The following UBA7 variants were observed in gnomAD, a reference collection of about 807,000 sequenced individuals.
UBA7 encodes the protein ubiquitin like modifier activating enzyme 7.
Under a neutral mutation model 113.0 loss-of-function variants are expected in UBA7, and 88 were observed. The observed-to-expected ratio is 0.78, with a 90% CI of 0.66 to 0.93. The LOEUF (loss-of-function observed/expected upper bound fraction) is 0.93. Among genes scored for constraint, UBA7 ranks in the 40% least tolerant of loss-of-function variants. UBA7 has a pLI of 0.00. For missense variants in UBA7, 1,092 were observed against 1,266.4 expected (o/e 0.86, Z 2.09); for synonymous variants, 459 against 513.0 (o/e 0.89, Z 1.42).
In UBA7 at chr3:49,813,401, G is replaced by A; in HGVS notation, c.226-18C>T. The A allele has an allele frequency of 6.2e-7, 1 of 1,611,552 alleles. No homozygotes were observed. The highest frequency in any genetic ancestry group is 8.5e-7 in the Non-Finnish European group (1 of 1,178,510). On this transcript the variant is annotated intron_variant, in intron 2 of 23. Coordinates refer to ENST00000333486, the MANE Select transcript of UBA7 (RefSeq NM_003335.3). ...AGGAGAAACTAGGGAGAGAGCCAGT[G>A]CAGCCTGAGCAAAGACACTCCTCTT...
rs1362779615 is a variant in UBA7, at chr3:49,809,159, C to T, written c.2164G>A (p.Asp722Asn). Residue 722 changes from aspartate (D) to asparagine (N), a missense_variant and splice_region_variant, in exon 18 of 24, where the codon GAC becomes AAC. Physicochemically the swap from Asp to Asn is conservative, Grantham distance 23. Coordinates refer to ENST00000333486, the MANE Select transcript of UBA7 (RefSeq NM_003335.3). ...PQPLEFDTNQ[D>N]THLLYVLAAA... Reference sequence around the variant, plus strand: ...GCCAGTACGTAGAGGAGGTGTGTGTCCTGCAGCCAGACCAAGAGCAGGAAC... The same window carrying T: ...GCCAGTACGTAGAGGAGGTGTGTGTTCTGCAGCCAGACCAAGAGCAGGAAC... 6.2e-7 allele frequency: 1 copy of T among 1,608,184 alleles called. No homozygotes were observed. The highest frequency in any genetic ancestry group is 1.7e-5 in the Admixed American group (1 of 59,098).
At chr3:49,809,347 G>A in intron 17 of UBA7, 43 bp downstream of exon 17, 2 of 1,604,374 alleles carry the variant, frequency 1.2e-6, no homozygotes, top group South Asian at 2.2e-5. Context: ...TGCTCTGAGG[G>A]GCCACATCTC....
At chr3:49,812,789 G>A in intron 4 of UBA7, 51 bp from the exon 5 acceptor site, 4 of 1,592,762 alleles carry the variant, frequency 2.5e-6, no homozygotes, top group South Asian at 2.2e-5. Context: ...TTGTACTTAA[G>A]GATAGGGGAT....
Position 49,813,898 on chromosome 3 carries a change from C to T in UBA7, c.-111G>A. On this transcript the variant is annotated 5_prime_UTR_variant, in exon 1 of 24. Coordinates refer to ENST00000333486, the MANE Select transcript of UBA7 (RefSeq NM_003335.3). ...CTGCTGTAGCCAGTGCAAACAGGAA[C>T]CAAGGCCAAGCGAATAAGGGACGCT... 1.6e-6 allele frequency: 2 copies of T among 1,262,762 alleles called. No individual in the cohort carries two copies. The highest frequency in any genetic ancestry group is 1.3e-5 in the South Asian group (1 of 78,498). 78.2% of individuals were successfully genotyped at this position (1,262,762 alleles called of 1,614,324 possible).
chr3:49,809,050 G>A lies in UBA7; in HGVS notation c.2273C>T (p.Pro758Leu). The part of the protein sequence containing the change: ...TALRELLKLL[P>L]QPDPQQMAPI... ...GGCCATCTGTTGGGGGTCAGGCTGT[G>A]GCAGCAGCTTCAGCAGCTCCCTGAG... Residue 758 changes from proline (P) to leucine (L), a missense_variant, in exon 18 of 24, where the codon CCA becomes CTA. By Grantham distance (98) the Pro-to-Leu change is moderately conservative. Transcript: ENST00000333486. 2 of 1,613,868 alleles carry A rather than the reference G, an allele frequency of 1.2e-6. No individual in the cohort carries two copies. Among genetic ancestry groups the A allele is most frequent in the Non-Finnish European group, 1.7e-6 (2 of 1,179,982 alleles).
rs1373885377 is a variant in UBA7 at position 49,809,631 on chromosome 3, G to C, written c.1999C>G (p.Gln667Glu). Residue 667 changes from glutamine (Q) to glutamate (E), a missense_variant, in exon 16 of 24, where the codon CAA becomes GAA. Around this residue, in one of 3 missense-constraint regions of UBA7, gnomAD observed 500 missense variants for 529.3 expected, o/e 0.94. Transcript: ENST00000333486. Reference sequence around the variant, plus strand: ...CCAAGAGCCCACGCCACACAGTCTTGCCAGTTCTGTGGACGCACTCTCAGG... The same window carrying C: ...CCAAGAGCCCACGCCACACAGTCTTCCCAGTTCTGTGGACGCACTCTCAGG... ...GVLRVRPQNW[Q>E]DCVAWALGHW... The C allele has an allele frequency of 6.2e-7, 1 of 1,614,096 alleles. No homozygotes were observed. Among genetic ancestry groups the C allele is most frequent in the Non-Finnish European group, 8.5e-7 (1 of 1,180,030 alleles).
intron 21 of UBA7, among the ~76,000 whole-genome samples, chr3:49,806,763 G>T (rs1207704147): frequency 6.6e-6 from 1 of 152,014 alleles, no homozygotes; most frequent in Non-Finnish European, 1.5e-5. Flanking sequence ...AGGACAGGGG[G>T]TGCTTATCAG....
rs762083996 is a variant in UBA7, at chr3:49,812,533, C to T, written c.569G>A (p.Gly190Asp). ...AIQHISQGSP[G>D]ILTLRKGANT... is the part of the protein sequence containing the mutation. ...GGCCCCTTTCCTCAGAGTGAGAATG[C>T]CAGGGGAGCCCTGGGTAGGAGGAGG... The change falls in exon 6 of 24, where the codon GGC (glycine) becomes GAC (aspartate). Residue 190 changes from glycine to aspartate, a missense_variant. Coordinates refer to ENST00000333486, the MANE Select transcript of UBA7 (RefSeq NM_003335.3). The T allele has an allele frequency of 4.6e-5, 75 of 1,614,012 alleles. No individual in the cohort carries two copies. Among genetic ancestry groups the T allele is most frequent in the Non-Finnish European group, 5.8e-5 (69 of 1,180,022 alleles).
rs2234380 is a variant in UBA7, at chr3:49,810,822, C to T, written c.1241G>A (p.Arg414His). Residue 414 changes from arginine (R) to histidine (H), a missense_variant, in exon 11 of 24, where the codon CGC becomes CAC. By Grantham distance (29) the Arg-to-His change is conservative. Around this residue, in one of 3 missense-constraint regions of UBA7, gnomAD observed 584 missense variants for 714.5 expected, o/e 0.82. Transcript: ENST00000333486. The surrounding 1 kb of genome is among the most constrained non-coding windows in gnomAD (Gnocchi z 5.6). ...AAACACTGCAATTTGCCCATCATAG[C>T]GGCTGCCTCTCTAGGGGACAGAGAC... is the stretch of plus-strand genomic sequence containing the variant. ...SPEDCALRGS[R>H]YDGQIAVFGA... The T allele has an allele frequency of 6.6e-4, 1,067 of 1,614,118 alleles. 8 individuals are homozygous for T. The African/African-American group carries it at 0.011, about 16-fold the overall frequency.
intron 21 of UBA7, 28 bp from the exon 22 acceptor site, chr3:49,806,193 G>T: frequency 6.4e-7 from 1 of 1,550,932 alleles, no homozygotes; most frequent in Non-Finnish European, 8.7e-7. Context: ...AGGAGTCAGA[G>T]ACTTCTTACC....
chr3:49,808,905 G>T, intron 18 of UBA7, 71 bp downstream of exon 18: 1 of 1,537,156 alleles, frequency 6.5e-7, no homozygotes, highest in Non-Finnish European at 8.8e-7. Flanking sequence ...TCCTTCTGCA[G>T]CACAGGCTGA....
chr3:49,813,438 C>G, intron 2 of UBA7, 41 bp downstream of exon 2: 1 of 1,608,896 alleles, frequency 6.2e-7, no homozygotes, highest in East Asian at 2.2e-5. Flanking sequence ...GGCCGTGCCC[C>G]CACCTTGGTC....
At chr3:49,808,530 C>T in intron 18 of UBA7, 62 bp from the exon 19 acceptor site, 1 of 1,546,456 alleles carries the variant, frequency 6.5e-7, no homozygotes, top group Non-Finnish European at 8.8e-7. Context: ...CTTCTTGGAG[C>T]CCTGTGCCTA....
At position 49,812,414 on chromosome 3, in the gene UBA7, C is replaced by A; in HGVS notation, c.688G>T (p.Val230Leu). 6.2e-7 allele frequency: 1 copy of A among 1,614,216 alleles called. No homozygotes were observed. ...TGGAATGGGATTGGCTTACCCCGCA[C>A]GTGGATAGACCGGGGATCACAGTCG... ...LNDCDPRSIH[V>L]REDGSLEIGD... The change falls in exon 6 of 24, where the codon GTG becomes TTG. Residue 230 changes from valine to leucine, a missense_variant. Around this residue, in one of 3 missense-constraint regions of UBA7, gnomAD observed 584 missense variants for 714.5 expected, o/e 0.82. Transcript: ENST00000333486.
chr3:49,806,334 C>A (rs1038091245), intron 21 of UBA7, 169 bp from the exon 22 acceptor site: 33 of 631,626 alleles, frequency 5.2e-5, no homozygotes, highest in African/African-American at 5.1e-4. Flanking sequence ...GCCCCCTCCC[C>A]GTCCAGGCCG....
chr3:49,813,780 G>T lies in UBA7; in HGVS notation c.8C>A (p.Ala3Asp). 1 of 1,614,204 alleles carries T rather than the reference G, an allele frequency of 6.2e-7. No homozygotes were observed. The highest frequency in any genetic ancestry group is 8.5e-7 in the Non-Finnish European group (1 of 1,180,022). MD[A>D]LDASKLLDEE... ...ATCCAGTAGCTTCGAAGCGTCCAGG[G>T]CATCCATCCTCAAACCTGGGGCTGA... The change falls in exon 1 of 24, where the codon GCC becomes GAC. Residue 3 changes from alanine to aspartate, a missense_variant. By Grantham distance (126) the Ala-to-Asp change is moderately radical. This residue lies in a region of UBA7 where 584 missense variants were observed against 714.5 expected (regional missense o/e 0.82). Transcript: ENST00000333486.
intron 2 of UBA7, 43 bp downstream of exon 2, chr3:49,813,436 C>T (rs747197501): frequency 3.7e-6 from 6 of 1,608,920 alleles, no homozygotes; most frequent in African/African-American, 1.3e-5. Context: ...TGGGCCGTGC[C>T]CCCACCTTGG....
rs373353874 is a variant in UBA7 at position 49,809,039 on chromosome 3, G to C, written c.2284C>G (p.Pro762Ala). ...ELLKLLPQPD[P>A]QQMAPIFASN... ...GCAAAGATGGGGGCCATCTGTTGGG[G>C]GTCAGGCTGTGGCAGCAGCTTCAGC... The change falls in exon 18 of 24, where the codon CCC becomes GCC. Residue 762 changes from proline (P) to alanine (A), a missense_variant. Pro to Ala is a conservative substitution (Grantham distance 27, BLOSUM62 -1). Transcript: ENST00000333486. 1.2e-6 allele frequency: 2 copies of C among 1,613,946 alleles called. No homozygotes were observed. The highest frequency in any genetic ancestry group is 8.5e-7 in the Non-Finnish European group (1 of 1,180,002).
In UBA7 at chr3:49,805,938, G is replaced by A. The variant is rs368049467; in HGVS notation, c.2868C>T (p.Ala956=). 21 of 1,562,174 alleles carry A rather than the reference G, an allele frequency of 1.3e-5. No individual in the cohort carries two copies. The highest frequency in any genetic ancestry group is 8.2e-5 in the African/African-American group (6 of 73,558). ...LLHGSALLYA[A]GWSPEKQAQH... ...GGGCCTGCTTTTCAGGTGACCATCC[G>A]GCCGCATAGAGCAGGGCTGAGCCGT... The change falls in exon 23 of 24, where the codon GCC becomes GCT. Residue 956 remains alanine (A), a synonymous_variant. Transcript: ENST00000333486.
Sources: allele counts gnomAD v4.1 joint callset (sites outside exome capture counted in the v4.1 genomes callset), GRCh38; gene constraint gnomAD v4.1.1; regional missense constraint gnomAD v4.1.1; non-coding constraint Gnocchi (gnomAD v3.1); transcripts MANE v1.5; gene names NCBI Gene and HGNC (gene_info 2026-07-23, HGNC 2026-07-21).